Variants in COL6A3 observed in about 807,000 individuals in gnomAD.
The protein encoded by COL6A3 is collagen type VI alpha 3 chain.
Under a neutral mutation model 274.1 loss-of-function variants are expected in COL6A3, and 137 were observed. The observed-to-expected ratio is 0.50, with a 90% confidence interval of 0.44 to 0.58. COL6A3 has a LOEUF of 0.58. COL6A3 is among the 20% of genes least tolerant of loss of function. The pLI is 0.00. For synonymous variants in COL6A3, 1,650 were observed against 1,650.6 expected (o/e 1.00, Z 0.01); for missense variants, 3,950 against 4,124.9 (o/e 0.96, Z 1.16).
chr2:237,350,006 G>T, intron 28 of COL6A3, 141 bp downstream of exon 28: 3 of 855,612 alleles, frequency 3.5e-6, no homozygotes, highest in Middle Eastern at 2.5e-4. Context: ...TGCCGCAGAT[G>T]AGCAAGTTTC....
At chr2:237,410,590 C>T (rs1322750456) in intron 1 of COL6A3, among the ~76,000 whole-genome samples, 1 of 152,138 alleles carries the variant, frequency 6.6e-6, no homozygotes, top group Non-Finnish European at 1.5e-5. Context: ...CAGAGATGAG[C>T]CACAGTGCCC....
At chr2:237,356,530 C>G (rs58747232) in intron 23 of COL6A3, among the ~76,000 whole-genome samples, 5,636 of 152,272 alleles carry the variant, frequency 0.037, 376 homozygotes, top group African/African-American at 0.13. Context: ...GGCCCAAGTG[C>G]CGGGCCGAAC....
intron 4 of COL6A3, among the ~76,000 whole-genome samples, chr2:237,383,566 C>T (rs770773156): frequency 9.9e-5 from 15 of 151,912 alleles, no homozygotes; most frequent in Non-Finnish European, 1.9e-4. Context: ...TATATAGACA[C>T]ATATAAATTC....
Position 237,381,014 on chromosome 2 carries a change from A to T in COL6A3, c.1798T>A (p.Ser600Thr). The change falls in exon 5 of 44, where the codon TCC becomes ACC. Residue 600 changes from serine to threonine, a missense_variant. Coordinates refer to ENST00000295550, the MANE Select transcript of COL6A3 (RefSeq NM_004369.4). Reference protein sequence around the residue: ...AELEEIAFDSSLVFIPAEFRA... With the variant: ...AELEEIAFDSTLVFIPAEFRA... The stretch of plus-strand genomic sequence containing the variant: ...AACTCAGCTGGGATGAACACCAGGG[A>T]GGAGTCGAAAGCGATCTCTTCCAGC... The T allele has an allele frequency of 6.2e-7, 1 of 1,614,212 alleles. No individual in the cohort carries two copies. Among genetic ancestry groups the T allele is most frequent in the Non-Finnish European group, 8.5e-7 (1 of 1,180,038 alleles).
intron 25 of COL6A3, 71 bp downstream of exon 25, chr2:237,353,270 T>A: frequency 6.8e-7 from 1 of 1,464,494 alleles, no homozygotes; most frequent in South Asian, 1.2e-5. Context: ...CGGATATAAA[T>A]GCCACCCAAT....
In COL6A3 at chr2:237,365,894, C is replaced by T. The variant is rs748330667; in HGVS notation, c.5642G>A (p.Arg1881His). The T allele has an allele frequency of 7.4e-6, 12 of 1,614,010 alleles. No homozygotes were observed. The highest frequency in any genetic ancestry group is 1.3e-5 in the African/African-American group (1 of 74,930). Residue 1881 changes from arginine to histidine, a missense_variant, in exon 12 of 44, where the codon CGC becomes CAC. Transcript: ENST00000295550. ...CACTGACACACGCACGGTGGGCGAG[C>T]GGCCACCGCTGCAGCTGACCCTGTG... ...QMHRVSCSGG[R>H]SPTVRVSVVA...
intron 4 of COL6A3, among the ~76,000 whole-genome samples, chr2:237,384,562 T>C (rs2078096390): frequency 6.6e-6 from 1 of 152,024 alleles, no homozygotes; most frequent in African/African-American, 2.4e-5. Flanking sequence ...ACAAGGTACC[T>C]GCATGCCACG....
chr2:237,325,064 C>T (rs1002988486), intron 43 of COL6A3, among the ~76,000 whole-genome samples: 1 of 152,110 alleles, frequency 6.6e-6, no homozygotes, highest in Non-Finnish European at 1.5e-5. Flanking sequence ...CACCATCTAC[C>T]AGGCCTTTAT....
chr2:237,390,986 T>C (rs1488515739), intron 3 of COL6A3, among the ~76,000 whole-genome samples: 1 of 152,192 alleles, frequency 6.6e-6, no homozygotes, highest in Non-Finnish European at 1.5e-5. Flanking sequence ...ACAGTGGTGA[T>C]CGTTCATATT....
Position 237,388,107 on chromosome 2 carries a change from C to G in COL6A3, c.787G>C (p.Asp263His). Residue 263 changes from aspartate (D) to histidine (H), a missense_variant, in exon 4 of 44, where the codon GAC becomes CAC. Transcript: ENST00000295550. The part of the protein sequence containing the change: ...TGSVNFAVIL[D>H]FLVNLLEKLP... ...TTCTCAAGGAGATTTACAAGGAAGT[C>G]GAGAATGACTGCGAAATTGACACTT... 1.9e-6 allele frequency: 3 copies of G among 1,614,112 alleles called. No homozygotes were observed. The highest frequency in any genetic ancestry group is 2.5e-6 in the Non-Finnish European group (3 of 1,180,030).
chr2:237,405,283 G>A (rs1007777604), intron 1 of COL6A3, among the ~76,000 whole-genome samples: 3 of 152,130 alleles, frequency 2.0e-5, no homozygotes, highest in African/African-American at 4.8e-5. Flanking sequence ...CCCAGCTGTT[G>A]AATATTTGCT....
intron 42 of COL6A3, among the ~76,000 whole-genome samples, chr2:237,332,117 A>ATATATATTATATATATG (rs35490728): frequency 0.01 from 673 of 64,144 alleles, 138 homozygotes; most frequent in Non-Finnish European, 0.014. Flanking sequence ...ATATATATAT[A>ATATATATTATATATATG]TGAAAAGAAA....
chr2:237,341,821 A>G (rs1419867991), intron 37 of COL6A3, among the ~76,000 whole-genome samples: 1 of 152,218 alleles, frequency 6.6e-6, no homozygotes, highest in Admixed American at 6.5e-5. Context: ...CTTAAGCAGA[A>G]ACTGCCTCCT....
intron 23 of COL6A3, 46 bp from the exon 24 acceptor site, chr2:237,354,980 G>A (rs200942887): frequency 2.8e-5 from 44 of 1,574,558 alleles, no homozygotes; most frequent in African/African-American, 6.7e-5. Flanking sequence ...AGCATGGGAC[G>A]CTGGGCATGG....
At chr2:237,395,528 C>A (rs1043904852) in intron 2 of COL6A3, among the ~76,000 whole-genome samples, 1 of 152,136 alleles carries the variant, frequency 6.6e-6, no homozygotes, top group Non-Finnish European at 1.5e-5. Flanking sequence ...CAGTTTGAGC[C>A]CCAAGACCCA....
chr2:237,342,341 T>A (rs2077004469), intron 36 of COL6A3, 180 bp from the exon 37 acceptor site: 1 of 633,802 alleles, frequency 1.6e-6, no homozygotes. Context: ...TAGAAAGACA[T>A]AGGTTTTATT....
At chr2:237,395,967 G>A (rs1224740674) in intron 2 of COL6A3, among the ~76,000 whole-genome samples, 1 of 152,174 alleles carries the variant, frequency 6.6e-6, no homozygotes, top group Non-Finnish European at 1.5e-5. Flanking sequence ...GCAGCTGTGA[G>A]CCAGGCTTGC....
rs2078903814 is a variant in COL6A3 at position 237,413,404 on chromosome 2, ACCAGAGTTACT to A, written c.-31+538_-31+548del. ...CCTTTACTTGGCCCTGATCCTGAGC[ACCAGAGTTACT>A]CCAATCTTGTGAAAGCAGCAAATGT... On this transcript the variant is annotated intron_variant, in intron 1 of 43. Transcript: ENST00000295550. The surrounding 1 kb of genome is among the most constrained non-coding windows in gnomAD (Gnocchi z 4.0). Among the ~76,000 whole-genome samples the A allele has an allele frequency of 6.6e-6, 1 of 152,212 alleles. No individual in the cohort carries two copies. The highest frequency in any genetic ancestry group is 2.4e-5 in the African/African-American group (1 of 41,454).
Position 237,354,893 on chromosome 2 carries a change from G to T in COL6A3, c.6627+6C>A, listed in dbSNP as rs1267222074. The T allele has an allele frequency of 1.2e-6, 2 of 1,613,446 alleles. No homozygotes were observed. The highest frequency in any genetic ancestry group is 1.1e-5 in the South Asian group (1 of 90,862). ...GAGTCTCCAGGGGGCACTGCATGAG[G>T]CTCACCTTAGCTCCGGGGGGTCCCC... On this transcript the variant is annotated splice_donor_region_variant and intron_variant, in intron 24 of 43. Coordinates refer to ENST00000295550, the MANE Select transcript of COL6A3 (RefSeq NM_004369.4).
Sources: gnomAD v4.1 joint callset for allele counts (sites outside exome capture counted in the v4.1 genomes callset) on GRCh38, gnomAD v4.1.1 for gene constraint, Gnocchi (gnomAD v3.1) non-coding constraint, MANE v1.5 for transcripts, NCBI Gene and HGNC (gene_info 2026-07-23, HGNC 2026-07-21) for gene names.